The following EPB41L2 variants were observed in gnomAD, a reference collection of about 807,000 sequenced individuals.
EPB41L2 encodes band 4.1-like protein 2.
Under a neutral mutation model 113.0 loss-of-function variants are expected in EPB41L2, and 43 were observed. The ratio of observed to expected loss-of-function variants is 0.38; its 90% CI spans 0.30 to 0.49. EPB41L2 has a LOEUF of 0.49. EPB41L2 is among the 20% of genes least tolerant of loss of function. The pLI is 0.95. For missense variants in EPB41L2, 1,147 were observed against 1,223.4 expected, an observed-to-expected ratio of 0.94 and a Z score of 0.93; for synonymous variants, 442 against 436.7, an observed-to-expected ratio of 1.01 and a Z score of -0.15.
chr6:130,967,318 T>C (rs778996426), intron 1 of EPB41L2, among the ~76,000 whole-genome samples: 6 of 152,066 alleles, frequency 3.9e-5, no homozygotes, highest in Non-Finnish European at 8.8e-5. Flanking sequence ...AACTCACATA[T>C]AAGTGGACCT....
intron 5 of EPB41L2, among the ~76,000 whole-genome samples, chr6:130,906,107 T>C (rs1297573266): frequency 6.6e-6 from 1 of 152,234 alleles, no homozygotes; most frequent in South Asian, 2.1e-4. Flanking sequence ...ATCGTGTTTG[T>C]GTAAGCATTT....
intron 1 of EPB41L2, among the ~76,000 whole-genome samples, chr6:131,036,060 G>A (rs1488822849): frequency 6.6e-6 from 1 of 152,154 alleles, no homozygotes; most frequent in East Asian, 1.9e-4. Context: ...TGGGTGATGG[G>A]CAGTGGGGAA....
At chr6:131,009,694 G>C (rs960220885) in intron 1 of EPB41L2, among the ~76,000 whole-genome samples, 30 of 140,398 alleles carry the variant, frequency 2.1e-4, no homozygotes, top group African/African-American at 8.1e-4. Context: ...AACCAAACTA[G>C]TCATTTAGAA....
chr6:130,921,541 C>T (rs376252691), intron 4 of EPB41L2, among the ~76,000 whole-genome samples: 1 of 152,132 alleles, frequency 6.6e-6, no homozygotes, highest in Non-Finnish European at 1.5e-5. Context: ...CTTTAAACTC[C>T]GCACCCACAT....
chr6:130,906,772 A>T (rs1797853618), intron 5 of EPB41L2, among the ~76,000 whole-genome samples: 1 of 152,218 alleles, frequency 6.6e-6, no homozygotes, highest in Non-Finnish European at 1.5e-5. Context: ...CCAAGGATAG[A>T]ATAGGCAGGT....
intron 1 of EPB41L2, among the ~76,000 whole-genome samples, chr6:130,981,053 G>A (rs1022394648): frequency 1.3e-5 from 2 of 151,912 alleles, no homozygotes; most frequent in African/African-American, 4.8e-5. Flanking sequence ...GGGAAATTTT[G>A]GAGAAAATAT....
intron 4 of EPB41L2, among the ~76,000 whole-genome samples, chr6:130,918,781 T>C (rs1245094396): frequency 1.3e-5 from 2 of 152,164 alleles, no homozygotes; most frequent in Non-Finnish European, 2.9e-5. Flanking sequence ...AGAATCAAAA[T>C]TTCCCATAAG....
intron 1 of EPB41L2, among the ~76,000 whole-genome samples, chr6:131,045,513 G>A (rs950601686): frequency 6.6e-6 from 1 of 152,006 alleles, no homozygotes; most frequent in African/African-American, 2.4e-5. Flanking sequence ...ACGAATCAAA[G>A]GCTAAGGACA....
intron 1 of EPB41L2, among the ~76,000 whole-genome samples, chr6:131,043,450 C>A (rs999388745): frequency 2.6e-5 from 4 of 151,942 alleles, no homozygotes; most frequent in African/African-American, 9.7e-5. Context: ...GATGAAAAGC[C>A]TCTGCATGTA....
Position 130,894,974 on chromosome 6 carries a change from G to C in EPB41L2, c.1382C>G (p.Pro461Arg). ...AGAAATGTCTTGGCTTACCTCTGCC[G>C]GTCTGACTTTAATGTAGAAGTTACT... ...KRSNFYIKVR[P>R]AELEQFESTI... Residue 461 changes from proline to arginine, a missense_variant, in exon 9 of 20, where the codon CCG (proline) becomes CGG (arginine). Coordinates refer to ENST00000337057, the MANE Select transcript of EPB41L2 (RefSeq NM_001431.4). 1 of 1,612,822 alleles carries C rather than the reference G, an allele frequency of 6.2e-7. No individual in the cohort carries two copies. The highest frequency in any genetic ancestry group is 8.5e-7 in the Non-Finnish European group (1 of 1,179,224).
intron 1 of EPB41L2, among the ~76,000 whole-genome samples, chr6:131,011,384 G>A (rs1034131172): frequency 6.6e-6 from 1 of 152,196 alleles, no homozygotes; most frequent in Non-Finnish European, 1.5e-5. Context: ...ACAAACGGTA[G>A]GCCCAAGAAC....
chr6:130,963,751 T>C (rs1218072345), intron 1 of EPB41L2, among the ~76,000 whole-genome samples: 1 of 152,158 alleles, frequency 6.6e-6, no homozygotes, highest in African/African-American at 2.4e-5. Flanking sequence ...CCAGAGGCCA[T>C]ATATAAATCA....
At chr6:131,004,262 T>TG (rs1784974139) in intron 1 of EPB41L2, among the ~76,000 whole-genome samples, 1 of 151,732 alleles carries the variant, frequency 6.6e-6, no homozygotes, top group South Asian at 2.1e-4. Context: ...GTGGGCACAG[T>TG]GGGGGAGTAA....
intron 1 of EPB41L2, among the ~76,000 whole-genome samples, chr6:130,983,124 C>G (rs1341463170): frequency 2.6e-5 from 4 of 152,214 alleles, no homozygotes; most frequent in Non-Finnish European, 5.9e-5. Context: ...GGACTTTATT[C>G]AACTGTTTCC....
chr6:130,907,330 G>A (rs1562455091), intron 5 of EPB41L2, among the ~76,000 whole-genome samples: 1 of 152,220 alleles, frequency 6.6e-6, no homozygotes, highest in Non-Finnish European at 1.5e-5. Flanking sequence ...CTTCCATAAG[G>A]TAAGCATAAT....
At chr6:130,967,667 C>T (rs1187610491) in intron 1 of EPB41L2, among the ~76,000 whole-genome samples, 1 of 152,128 alleles carries the variant, frequency 6.6e-6, no homozygotes, top group Non-Finnish European at 1.5e-5. Context: ...CAGGGAAAAG[C>T]AGGAATAAAA....
Position 130,916,780 on chromosome 6 carries a change from G to A in EPB41L2, c.811-7917C>T, listed in dbSNP as rs2876115. On this transcript the variant is annotated intron_variant, in intron 4 of 19. Coordinates refer to ENST00000337057, the MANE Select transcript of EPB41L2 (RefSeq NM_001431.4). ...CTATTTCAGCAGGTCTAGGGTGAGC[G>A]CTAGAGTTCTTCATTTCTAAGAAGC... Among the ~76,000 whole-genome samples the A allele has an allele frequency of 2.2e-4, 34 of 152,330 alleles. 1 individual carries two copies. In the South Asian group the frequency reaches 3.5e-3, roughly 16 times the overall value.
At chr6:130,863,438 A>G (rs1360693154) in intron 18 of EPB41L2, among the ~76,000 whole-genome samples, 200 bp downstream of exon 18, 1 of 152,220 alleles carries the variant, frequency 6.6e-6, no homozygotes, top group Admixed American at 6.5e-5. Context: ...AGTGGGAAAT[A>G]AAGAGAAATC....
In EPB41L2 at chr6:131,004,314, T is replaced by G. The variant is rs77389745; in HGVS notation, c.-14-47815A>C. 4.6e-5 allele frequency among the ~76,000 whole-genome samples: 7 copies of G among 152,204 alleles called. No homozygotes were observed. In the East Asian group the frequency reaches 1.4e-3, roughly 29 times the overall value. On this transcript the variant is annotated intron_variant, in intron 1 of 19. Coordinates refer to ENST00000337057, the MANE Select transcript of EPB41L2 (RefSeq NM_001431.4). The stretch of plus-strand genomic sequence containing the variant: ...CAAAAGTGAACCTGGGGGTGTAAGC[T>G]CCAATCCTCAATCTGTAAAATGAGG...
Sources: allele counts gnomAD v4.1 joint callset (sites outside exome capture counted in the v4.1 genomes callset), GRCh38; gene constraint gnomAD v4.1.1; transcripts MANE v1.5; gene names NCBI Gene and HGNC (gene_info 2026-07-23, HGNC 2026-07-21).